The following SORCS1 variants were observed in gnomAD, a reference collection of about 807,000 sequenced individuals.
The protein encoded by SORCS1 is sortilin related VPS10 domain containing receptor 1.
A neutral mutation model predicts 146.1 loss-of-function variants in SORCS1; 60 were observed. The ratio of observed to expected loss-of-function variants is 0.41; its 90% CI spans 0.33 to 0.51. The LOEUF (loss-of-function observed/expected upper bound fraction) is 0.51, where lower values mean the gene tolerates loss of function less well. Ranked by LOEUF, SORCS1 falls within the 20% of genes least tolerant of loss-of-function variation. The pLI is 0.21. For synonymous variants in SORCS1, 637 were observed against 584.0 expected (o/e 1.09, Z -1.31); for missense variants, 1,352 against 1,487.6 (o/e 0.91, Z 1.50).
chr10:107,167,242 A>G (rs1013391856), upstream of SORCS1, among the ~76,000 whole-genome samples: 8 of 152,232 alleles, frequency 5.3e-5, no homozygotes, highest in African/African-American at 1.9e-4. Context: ...GGAAAGTACC[A>G]GTAATTTCCT....
At chr10:106,788,804 G>A (rs1427756796) in intron 3 of SORCS1, among the ~76,000 whole-genome samples, 1 of 152,168 alleles carries the variant, frequency 6.6e-6, no homozygotes, top group African/African-American at 2.4e-5. Flanking sequence ...CTACCACTTT[G>A]GGGTCTGGAG....
intron 4 of SORCS1, among the ~76,000 whole-genome samples, chr10:106,771,109 C>T (rs1233055110): frequency 6.6e-6 from 1 of 152,250 alleles, no homozygotes; most frequent in Admixed American, 6.5e-5. Context: ...GGCACTCTCC[C>T]CTTTACAAAT....
chr10:106,981,237 T>G (rs1165221369), intron 1 of SORCS1, among the ~76,000 whole-genome samples: 5 of 152,208 alleles, frequency 3.3e-5, no homozygotes, highest in African/African-American at 1.2e-4. Context: ...TACTGAAAGC[T>G]AAAGGAGTTT....
At chr10:106,762,386 CTTTT>C (rs869195563) in intron 4 of SORCS1, among the ~76,000 whole-genome samples, 1 of 73,828 alleles carries the variant, frequency 1.4e-5, no homozygotes, top group African/African-American at 5.8e-5. Context: ...TTTTATTATT[CTTTT>C]TTTTTTTTTT....
At chr10:106,712,553 C>T (rs189944224) in intron 6 of SORCS1, among the ~76,000 whole-genome samples, 7 of 152,262 alleles carry the variant, frequency 4.6e-5, no homozygotes, top group African/African-American at 1.4e-4. Flanking sequence ...ATTTCACTGC[C>T]TCCTTCATCT....
At chr10:106,801,380 A>T (rs1946862892) in intron 3 of SORCS1, among the ~76,000 whole-genome samples, 1 of 149,024 alleles carries the variant, frequency 6.7e-6, no homozygotes, top group African/African-American at 2.4e-5. Flanking sequence ...TAATTGGTCT[A>T]TTTTTTTTAC....
intron 2 of SORCS1, among the ~76,000 whole-genome samples, chr10:106,830,528 C>T (rs1044379233): frequency 2.0e-5 from 3 of 149,738 alleles, no homozygotes; most frequent in Non-Finnish European, 3.0e-5. Flanking sequence ...CAGGTATTTT[C>T]GCCTAGGCCC....
At chr10:107,119,015 G>A (rs1966222924) in intron 1 of SORCS1, among the ~76,000 whole-genome samples, 1 of 152,152 alleles carries the variant, frequency 6.6e-6, no homozygotes, top group Non-Finnish European at 1.5e-5. Context: ...ACTCACACAG[G>A]TCATATTGTT....
intron 6 of SORCS1, among the ~76,000 whole-genome samples, chr10:106,714,595 G>A (rs1021118240): frequency 7.2e-5 from 11 of 152,034 alleles, no homozygotes; most frequent in African/African-American, 2.4e-4. Flanking sequence ...ACCAAAATAC[G>A]TGCATTATGG....
intron 1 of SORCS1, among the ~76,000 whole-genome samples, chr10:106,957,291 A>C (rs1955006476): frequency 6.6e-6 from 1 of 150,890 alleles, no homozygotes; most frequent in Admixed American, 6.6e-5. Context: ...CTCCTGCCTC[A>C]GCCTCCCGAG....
At chr10:107,000,100 C>T (rs1380268837) in intron 1 of SORCS1, among the ~76,000 whole-genome samples, 1 of 152,082 alleles carries the variant, frequency 6.6e-6, no homozygotes, top group Non-Finnish European at 1.5e-5. Context: ...ACCACATCAC[C>T]CTCTCCCCAT....
intron 2 of SORCS1, among the ~76,000 whole-genome samples, chr10:106,858,111 A>G (rs910989611): frequency 6.6e-6 from 1 of 152,234 alleles, no homozygotes; most frequent in Non-Finnish European, 1.5e-5. Context: ...GAAGTCATGT[A>G]AAATTGACAT....
At chr10:106,850,070 T>C (rs11193077) in intron 2 of SORCS1, among the ~76,000 whole-genome samples, 65,162 of 151,386 alleles carry the variant, frequency 0.43, 14,180 homozygotes, top group African/African-American at 0.49. Context: ...AGAGGTGGAG[T>C]GTACAGAGGC....
chr10:106,790,618 A>G (rs1946274538), intron 3 of SORCS1, among the ~76,000 whole-genome samples: 1 of 152,150 alleles, frequency 6.6e-6, no homozygotes, highest in East Asian at 1.9e-4. Flanking sequence ...AACTCAGATA[A>G]AACAAATGTA....
intron 2 of SORCS1, among the ~76,000 whole-genome samples, chr10:106,944,113 GACT>G (rs1050846654): frequency 4.6e-5 from 7 of 152,052 alleles, no homozygotes; most frequent in African/African-American, 9.7e-5. Context: ...TTGTTTCACT[GACT>G]ACTTTGTTCA....
intron 1 of SORCS1, among the ~76,000 whole-genome samples, chr10:107,142,459 T>G (rs943034384): frequency 1.3e-5 from 2 of 152,232 alleles, no homozygotes; most frequent in Non-Finnish European, 2.9e-5. Flanking sequence ...AAAGGCACTG[T>G]GTTAGGCATA....
At chr10:106,803,793 T>C (rs1432628957) in intron 3 of SORCS1, among the ~76,000 whole-genome samples, 1 of 152,196 alleles carries the variant, frequency 6.6e-6, no homozygotes, top group African/African-American at 2.4e-5. Flanking sequence ...AATAGATTAC[T>C]GTGCATCTTC....
chr10:106,949,680 T>C (rs1954572782), intron 2 of SORCS1, among the ~76,000 whole-genome samples: 1 of 152,236 alleles, frequency 6.6e-6, no homozygotes, highest in African/African-American at 2.4e-5. Context: ...TGCACTTGCT[T>C]TGTGCCCCTC....
At chr10:106,956,856 G>A (rs1035455250) in intron 1 of SORCS1, among the ~76,000 whole-genome samples, 1 of 152,136 alleles carries the variant, frequency 6.6e-6, no homozygotes, top group East Asian at 1.9e-4. Flanking sequence ...TGGGTTTAGC[G>A]CTTTTAGGGA....
Sources: allele counts gnomAD v4.1 joint callset (sites outside exome capture counted in the v4.1 genomes callset), GRCh38; gene constraint gnomAD v4.1.1; transcripts MANE v1.5; gene names NCBI Gene and HGNC (gene_info 2026-07-23, HGNC 2026-07-21).